Variants in TAOK3 observed in about 807,000 individuals in gnomAD.
TAOK3 encodes TAO kinase 3.
In TAOK3, 40 loss-of-function variants were observed where a neutral mutation model predicts 120.4. The ratio of observed to expected loss-of-function variants is 0.33; its 90% CI spans 0.26 to 0.43. The LOEUF is 0.43. Ranked by LOEUF, TAOK3 falls within the 20% of genes least tolerant of loss-of-function variation. The pLI is 1.00. For missense variants in TAOK3, 821 were observed against 1,112.1 expected, an observed-to-expected ratio of 0.74 and a Z score of 3.72; for synonymous variants, 355 against 387.5, an observed-to-expected ratio of 0.92 and a Z score of 0.99.
chr12:118,206,082 G>A (rs1269638191), intron 11 of TAOK3, among the ~76,000 whole-genome samples: 1 of 152,164 alleles, frequency 6.6e-6, no homozygotes, highest in African/African-American at 2.4e-5. Flanking sequence ...GAATAAAAAG[G>A]CAAGACACAT....
rs911839710 is a variant in TAOK3, at chr12:118,323,372, A to G, written c.-194+49276T>C. The stretch of plus-strand genomic sequence containing the variant: ...CAATAAAATGACATAAGGACAGGTG[A>G]GTAGTCAAAGTAAAAAAATGTACAC... On this transcript the variant is annotated intron_variant, in intron 1 of 20. Coordinates refer to ENST00000392533, the MANE Select transcript of TAOK3 (RefSeq NM_016281.4). Among the ~76,000 whole-genome samples the G allele has an allele frequency of 3.9e-5, 6 of 152,304 alleles. No homozygotes were observed. The East Asian group carries it at 9.6e-4, about 24-fold the overall frequency.
At chr12:118,324,085 T>A (rs928380393) in intron 1 of TAOK3, among the ~76,000 whole-genome samples, 1 of 152,208 alleles carries the variant, frequency 6.6e-6, no homozygotes, top group African/African-American at 2.4e-5. Context: ...GATATAAATC[T>A]GGAAGATGGA....
chr12:118,154,683 C>T (rs1311881209), intron 19 of TAOK3, among the ~76,000 whole-genome samples: 2 of 152,094 alleles, frequency 1.3e-5, no homozygotes, highest in African/African-American at 4.8e-5. Flanking sequence ...TCAGGTGATC[C>T]GCCTGCCTTG....
chr12:118,151,242 T>C (rs928088981), intron 20 of TAOK3, 84 bp from the exon 21 acceptor site: 6 of 1,424,474 alleles, frequency 4.2e-6, no homozygotes, highest in African/African-American at 2.9e-5. Flanking sequence ...TAGGCACACA[T>C]ATGACATGCA....
At chr12:118,363,144 AG>A (rs1442585062) in intron 1 of TAOK3, among the ~76,000 whole-genome samples, 2 of 152,056 alleles carry the variant, frequency 1.3e-5, no homozygotes, top group Non-Finnish European at 2.9e-5. Context: ...ACTGAGTCAA[AG>A]GCCACTTTAG....
At chr12:118,219,872 C>T (rs1207741360) in intron 9 of TAOK3, among the ~76,000 whole-genome samples, 2 of 151,016 alleles carry the variant, frequency 1.3e-5, no homozygotes, top group Non-Finnish European at 2.9e-5. Context: ...CCCCAACCTC[C>T]CAAAGTGCTG....
chr12:118,312,128 T>C (rs1437237678), intron 1 of TAOK3, among the ~76,000 whole-genome samples: 1 of 152,118 alleles, frequency 6.6e-6, no homozygotes, highest in Non-Finnish European at 1.5e-5. Context: ...AAAATAGAAA[T>C]ATAATTGTAA....
chr12:118,183,401 T>C (rs548256096), intron 14 of TAOK3, among the ~76,000 whole-genome samples: 1 of 152,308 alleles, frequency 6.6e-6, no homozygotes, highest in East Asian at 1.9e-4. Context: ...TTCATATTCA[T>C]TTCTCTTTTC....
At chr12:118,167,894 T>C (rs926783185) in intron 17 of TAOK3, among the ~76,000 whole-genome samples, 2 of 152,180 alleles carry the variant, frequency 1.3e-5, no homozygotes, top group Admixed American at 6.5e-5. Flanking sequence ...GTCATGGAAG[T>C]TGCTTTACCA....
intron 5 of TAOK3, among the ~76,000 whole-genome samples, chr12:118,241,125 T>G (rs1431852073): frequency 6.6e-6 from 1 of 150,838 alleles, no homozygotes; most frequent in Non-Finnish European, 1.5e-5. Context: ...GTTTTACAGT[T>G]ATATATTTAT....
In TAOK3 at chr12:118,161,915, C is replaced by G; in HGVS notation, c.2012G>C (p.Arg671Pro). 1 of 1,614,130 alleles carries G rather than the reference C, an allele frequency of 6.2e-7. No homozygotes were observed. Among genetic ancestry groups the G allele is most frequent in the Non-Finnish European group, 8.5e-7 (1 of 1,180,040 alleles). The part of the protein sequence containing the change: ...YRQLHTLQKL[R>P]MDLIRLQHQT... ...GTGCTGTAAACGGATCAGATCCATG[C>G]GTAGCTTCTGTAACGTGTGCAGCTG... is the stretch of plus-strand genomic sequence containing the variant. Residue 671 changes from arginine (R) to proline (P), a missense_variant, in exon 18 of 21, where the codon CGC (arginine) becomes CCC (proline). By Grantham distance (103) the Arg-to-Pro change is moderately radical. This residue lies in a region of TAOK3 where 354 missense variants were observed against 572.1 expected (regional missense o/e 0.62). Transcript: ENST00000392533. The surrounding 1 kb of genome is among the most constrained non-coding windows in gnomAD (Gnocchi z 4.5).
At chr12:118,311,178 G>C (rs1157443583) in intron 1 of TAOK3, among the ~76,000 whole-genome samples, 1 of 152,056 alleles carries the variant, frequency 6.6e-6, no homozygotes, top group Admixed American at 6.6e-5. Context: ...TCACAAATAG[G>C]GGCCGGGCAT....
chr12:118,266,388 G>C (rs1378845216), intron 2 of TAOK3, among the ~76,000 whole-genome samples: 1 of 150,630 alleles, frequency 6.6e-6, no homozygotes, highest in East Asian at 1.9e-4. Flanking sequence ...TTTGAGTAGA[G>C]ACGTGGTTTC....
At chr12:118,262,351 T>C (rs61945218) in intron 2 of TAOK3, among the ~76,000 whole-genome samples, 18,428 of 151,522 alleles carry the variant, frequency 0.12, 1,211 homozygotes, top group Middle Eastern at 0.16. Context: ...GGCGTGGTGG[T>C]GGGTACCTGT....
intron 14 of TAOK3, among the ~76,000 whole-genome samples, chr12:118,189,515 TAC>T (rs2037288243): frequency 7.2e-6 from 1 of 139,038 alleles, no homozygotes; most frequent in South Asian, 2.3e-4. Context: ...ATACAGCATA[TAC>T]AAACACACAC....
chr12:118,264,831 C>T (rs1259993451), intron 2 of TAOK3, among the ~76,000 whole-genome samples: 1 of 151,964 alleles, frequency 6.6e-6, no homozygotes, highest in African/African-American at 2.4e-5. Context: ...GTCAGGAGTT[C>T]GAGACCAGCC....
intron 19 of TAOK3, among the ~76,000 whole-genome samples, chr12:118,153,850 A>G (rs1367367087): frequency 1.3e-5 from 2 of 152,244 alleles, no homozygotes; most frequent in Admixed American, 1.3e-4. Flanking sequence ...ATTTGCATGT[A>G]TCTTCTTTTA....
intron 13 of TAOK3, among the ~76,000 whole-genome samples, chr12:118,195,874 C>T (rs1052098701): frequency 6.6e-6 from 1 of 151,934 alleles, no homozygotes; most frequent in African/African-American, 2.4e-5. Flanking sequence ...CACGGTGAAA[C>T]CCTGTCTCTA....
chr12:118,290,773 C>T (rs2042441176), intron 1 of TAOK3, among the ~76,000 whole-genome samples: 3 of 152,142 alleles, frequency 2.0e-5, no homozygotes, highest in African/African-American at 7.2e-5. Flanking sequence ...GCCATGTTGG[C>T]CAGGCTGGAG....
Sources: allele counts gnomAD v4.1 joint callset (sites outside exome capture counted in the v4.1 genomes callset), GRCh38; gene constraint gnomAD v4.1.1; regional missense constraint gnomAD v4.1.1; non-coding constraint Gnocchi (gnomAD v3.1); transcripts MANE v1.5; gene names NCBI Gene and HGNC (gene_info 2026-07-23, HGNC 2026-07-21).